The following STK25 variants were observed in gnomAD, a reference collection of about 807,000 sequenced individuals.
STK25 encodes the protein serine/threonine-protein kinase 25.
STK25 carries 29 observed loss-of-function variants against 53.8 expected under a neutral mutation model. The observed-to-expected ratio is 0.54, with a 90% CI of 0.40 to 0.74. The LOEUF (loss-of-function observed/expected upper bound fraction) is 0.74. Among genes scored for constraint, STK25 ranks in the 30% least tolerant of loss-of-function variants. The pLI is 0.00. For missense variants in STK25, 420 were observed against 568.0 expected (o/e 0.74, Z 2.65); for synonymous variants, 247 against 238.3 (o/e 1.04, Z -0.33).
upstream of STK25, chr2:241,509,416 C>A (rs2066035532): frequency 6.6e-6 from 1 of 152,318 alleles, no homozygotes; most frequent in South Asian, 2.1e-4. Context: ...GGTCATAGTG[C>A]CCCCTGTGTG....
Position 241,500,236 on chromosome 2 carries a change from G to A in STK25, c.364C>T (p.Arg122Trp), listed in dbSNP as rs772153850. 4.3e-6 allele frequency: 7 copies of A among 1,614,046 alleles called. No homozygotes were observed. The highest frequency in any genetic ancestry group is 5.1e-6 in the Non-Finnish European group (6 of 1,180,006). ...TAATCCAGGCCCTTCAGAATCTCCC[G>A]CAGGATCGTGGCAATGTATGTCTCC... Reference protein sequence around the residue: ...LEETYIATILREILKGLDYLH... With the variant: ...LEETYIATILWEILKGLDYLH... Residue 122 changes from arginine to tryptophan, a missense_variant, in exon 5 of 12, where the codon CGG becomes TGG. Transcript: ENST00000316586.
chr2:241,496,520 G>A lies in STK25; in HGVS notation c.1119C>T (p.His373=). The A allele has an allele frequency of 3.1e-6, 5 of 1,613,584 alleles. No individual in the cohort carries two copies. The highest frequency in any genetic ancestry group is 4.2e-6 in the Non-Finnish European group (5 of 1,179,906). The change falls in exon 11 of 12, where the codon CAC becomes CAT. Residue 373 remains histidine, a synonymous_variant. Coordinates refer to ENST00000316586, the MANE Select transcript of STK25 (RefSeq NM_001271977.2). This position sits in a 1 kb window ranked among gnomAD's most constrained non-coding sequence, Gnocchi z 5.8. The part of the protein sequence containing the change: ...RPVFGELKEK[H]KQSGGSVGAL... ...CACCCACGCTCCCGCCGCTCTGCTT[G>A]TGCTTCTCTTTGAGCTGTGAAAAGA...
intron 1 of STK25, 87 bp from the exon 2 acceptor site, chr2:241,508,222 GC>G: frequency 7.7e-7 from 1 of 1,297,456 alleles, no homozygotes; most frequent in South Asian, 2.0e-5. Flanking sequence ...GTGGGGGGGG[GC>G]CCAGGAGACC....
In STK25 at chr2:241,494,290, C is replaced by A. The variant is rs1203208191; in HGVS notation, c.*1372G>T. On this transcript the variant is annotated 3_prime_UTR_variant, in exon 12 of 12. Transcript: ENST00000316586. This position sits in a 1 kb window ranked among gnomAD's most constrained non-coding sequence, Gnocchi z 4.9. ...CTCATGTAACATCTGGGAGGGGCTT[C>A]ATCCCCCCACCCAGGACCTAGTGCA... 7.1e-6 allele frequency: 3 copies of A among 422,116 alleles called. No individual in the cohort carries two copies. Among genetic ancestry groups the A allele is most frequent in the Non-Finnish European group, 1.3e-5 (3 of 233,292 alleles). The allele number at this position is 422,116 out of a possible 1,614,324, so 26.1% of individuals were successfully genotyped here.
intron 3 of STK25, 93 bp from the exon 4 acceptor site, chr2:241,500,889 G>A (rs2065469634): frequency 4.4e-5 from 57 of 1,282,290 alleles, no homozygotes; most frequent in Non-Finnish European, 6.0e-5. Flanking sequence ...CCAGGGCCCA[G>A]GCCCCACCGG....
Position 241,500,842 on chromosome 2 carries a change from G to A in STK25, c.262-46C>T, listed in dbSNP as rs2065465127. On this transcript the variant is annotated intron_variant, in intron 3 of 11. Coordinates refer to ENST00000316586, the MANE Select transcript of STK25 (RefSeq NM_001271977.2). ...ATCAGCATTTGGCAGCAAGAGGAAG[G>A]GCATGCTCCAGGGTGGGAGTCACAG... The A allele has an allele frequency of 1.5e-5, 24 of 1,601,412 alleles. No individual in the cohort carries two copies. In the East Asian group the frequency reaches 5.4e-4, roughly 36 times the overall value.
In STK25 at chr2:241,493,691, T is replaced by C. The variant is rs1449312511; in HGVS notation, c.*1971A>G. Reference sequence around the variant, plus strand: ...CTCACTATAACCTGCACCTCCAGGGTTCAAGCGATTCTTCTGCCTCAGCCT... The same window carrying C: ...CTCACTATAACCTGCACCTCCAGGGCTCAAGCGATTCTTCTGCCTCAGCCT... On this transcript the variant is annotated 3_prime_UTR_variant, in exon 12 of 12. Transcript: ENST00000316586. The C allele has an allele frequency of 3.7e-6, 2 of 535,826 alleles. No individual in the cohort carries two copies. The highest frequency in any genetic ancestry group is 6.6e-6 in the Non-Finnish European group (2 of 301,442). 33.2% of individuals were successfully genotyped at this position (535,826 alleles called of 1,614,324 possible). A position where few individuals can be genotyped will look rare whatever the true frequency, so the allele number is the denominator to read the frequency against.
intron 10 of STK25, 98 bp downstream of exon 10, chr2:241,497,518 A>C: frequency 1.8e-5 from 23 of 1,286,696 alleles, no homozygotes; most frequent in Non-Finnish European, 2.2e-5. Context: ...TAGAAGCTGA[A>C]ACCACCCCAC....
chr2:241,499,345 G>A lies in STK25; in HGVS notation c.497C>T (p.Thr166Ile). ...LADFGVAGQLTDTQIKRNTFV... is the reference protein window; with the variant it reads ...LADFGVAGQLIDTQIKRNTFV... ...TGTGTTCCTCTTAATCTGCGTGTCT[G>A]TGAGCTGCCCTGCTACCCCAAAGTC... The change falls in exon 6 of 12, where the codon ACA becomes ATA. Residue 166 changes from threonine (T) to isoleucine (I), a missense_variant. By Grantham distance (89) the Thr-to-Ile change is moderately conservative. Coordinates refer to ENST00000316586, the MANE Select transcript of STK25 (RefSeq NM_001271977.2). 6.2e-7 allele frequency: 1 copy of A among 1,614,016 alleles called. No individual in the cohort carries two copies. The highest frequency in any genetic ancestry group is 8.5e-7 in the Non-Finnish European group (1 of 1,179,978).
rs2065498609 is a variant in STK25, at chr2:241,501,333, C to G, written c.261+145G>C. 3 of 805,578 alleles carry G rather than the reference C, an allele frequency of 3.7e-6. No homozygotes were observed. Among genetic ancestry groups the G allele is most frequent in the Non-Finnish European group, 6.2e-6 (3 of 484,276 alleles). The allele number at this position is 805,578 out of a possible 1,614,324, so 49.9% of individuals were successfully genotyped here. On this transcript the variant is annotated intron_variant, in intron 3 of 11. Coordinates refer to ENST00000316586, the MANE Select transcript of STK25 (RefSeq NM_001271977.2). This position sits in a 1 kb window ranked among gnomAD's most constrained non-coding sequence, Gnocchi z 5.3. ...ACCCTCGTGGACGAGGGCTCACACC[C>G]TGCCTGCCCAGGGCAGTTTCCCGGA... is the stretch of plus-strand genomic sequence containing the variant.
chr2:241,497,554 G>C, intron 10 of STK25, 62 bp downstream of exon 10: 3 of 1,532,064 alleles, frequency 2.0e-6, no homozygotes, highest in Non-Finnish European at 2.7e-6. Context: ...ACATCTCCGT[G>C]CAACAGTGTC....
chr2:241,499,019 C>T lies in STK25; in HGVS notation c.741G>A (p.Val247=), dbSNP rs2065351373. 1 of 1,613,856 alleles carries T rather than the reference C, an allele frequency of 6.2e-7. No individual in the cohort carries two copies. The highest frequency in any genetic ancestry group is 1.7e-5 in the Admixed American group (1 of 60,006). ...GGGGGTCTTTGTTGAGGCAGGCCTC[C>T]ACGAACTCCTTGAAGGGCTTGCTGT... ...GQHSKPFKEF[V]EACLNKDPRF... Residue 247 remains valine (V), a synonymous_variant, in exon 7 of 12, where the codon GTG becomes GTA. Coordinates refer to ENST00000316586, the MANE Select transcript of STK25 (RefSeq NM_001271977.2).
chr2:241,500,240 G>T lies in STK25; in HGVS notation c.360C>A (p.Ile120=), dbSNP rs1559835020. The part of the protein sequence containing the change: ...GPLEETYIAT[I]LREILKGLDY... ...CCAGGCCCTTCAGAATCTCCCGCAG[G>T]ATCGTGGCAATGTATGTCTCCTCCA... is the stretch of plus-strand genomic sequence containing the variant. The change falls in exon 5 of 12, where the codon ATC becomes ATA. Residue 120 remains isoleucine (I), a synonymous_variant. Coordinates refer to ENST00000316586, the MANE Select transcript of STK25 (RefSeq NM_001271977.2). 3.1e-6 allele frequency: 5 copies of T among 1,614,106 alleles called. No homozygotes were observed. Among genetic ancestry groups the T allele is most frequent in the Non-Finnish European group, 3.4e-6 (4 of 1,180,018 alleles).
chr2:241,495,594 C>T lies in STK25; in HGVS notation c.*68G>A. ...TAGCACAGGGCACCTTCCAAGTCAG[C>T]ACAGTTCTTATGGAGCTCAGAACAA... is the stretch of plus-strand genomic sequence containing the variant. On this transcript the variant is annotated 3_prime_UTR_variant, in exon 12 of 12. Coordinates refer to ENST00000316586, the MANE Select transcript of STK25 (RefSeq NM_001271977.2). 6.4e-7 allele frequency: 1 copy of T among 1,573,292 alleles called. No individual in the cohort carries two copies. The highest frequency in any genetic ancestry group is 8.7e-7 in the Non-Finnish European group (1 of 1,142,958).
At chr2:241,508,222 G>C in intron 1 of STK25, 87 bp from the exon 2 acceptor site, 1 of 1,297,458 alleles carries the variant, frequency 7.7e-7, no homozygotes, top group African/African-American at 1.7e-5. Context: ...GTGGGGGGGG[G>C]CCCAGGAGAC....
In STK25 at chr2:241,496,430, C is replaced by G; in HGVS notation, c.1209G>C (p.Lys403Asn). The G allele has an allele frequency of 6.2e-7, 1 of 1,613,758 alleles. No homozygotes were observed. The highest frequency in any genetic ancestry group is 8.5e-7 in the Non-Finnish European group (1 of 1,179,966). The change falls in exon 11 of 12, where the codon AAG becomes AAC. Residue 403 changes from lysine (K) to asparagine (N), a missense_variant. By Grantham distance (94) the Lys-to-Asn change is moderately conservative (BLOSUM62 0). Transcript: ENST00000316586. This position sits in a 1 kb window ranked among gnomAD's most constrained non-coding sequence, Gnocchi z 5.8. ...AEESCPGISD[K>N]LMVHLVERVQ... ...CTCGCTCCACCAGGTGCACCATCAGCTTGTCTGAGATGCCGGGGCAGGACT... is the reference window on the plus strand; with the variant it reads ...CTCGCTCCACCAGGTGCACCATCAGGTTGTCTGAGATGCCGGGGCAGGACT...
intron 2 of STK25, among the ~76,000 whole-genome samples, chr2:241,505,923 C>A (rs1010325997): frequency 6.6e-6 from 1 of 152,192 alleles, no homozygotes; most frequent in African/African-American, 2.4e-5. Flanking sequence ...CTGACTCGAG[C>A]GGTGGACACC....
intron 2 of STK25, among the ~76,000 whole-genome samples, chr2:241,507,530 G>T (rs1442538426): frequency 6.6e-6 from 1 of 152,228 alleles, no homozygotes; most frequent in African/African-American, 2.4e-5. Flanking sequence ...CGGCCACTCA[G>T]ATCTGCTTCT....
At position 241,508,572 on chromosome 2, in the gene STK25, G is replaced by T. The variant is rs1038318935; in HGVS notation, c.-230C>A. The T allele has an allele frequency of 1.0e-6, 1 of 991,456 alleles. No homozygotes were observed. The highest frequency in any genetic ancestry group is 1.2e-6 in the Non-Finnish European group (1 of 833,496). The allele number at this position is 991,456 out of a possible 1,614,324, so 61.4% of individuals were successfully genotyped here. On this transcript the variant is annotated 5_prime_UTR_variant, in exon 1 of 12. Transcript: ENST00000316586. ...GCGAAGCAACGGTGGTGGCGGCAGCGACCGGAGAAAGCCCGGAGGCGACGG... is the reference window on the plus strand; with the variant it reads ...GCGAAGCAACGGTGGTGGCGGCAGCTACCGGAGAAAGCCCGGAGGCGACGG...
Sources: allele counts gnomAD v4.1 joint callset (sites outside exome capture counted in the v4.1 genomes callset), GRCh38; gene constraint gnomAD v4.1.1; non-coding constraint Gnocchi (gnomAD v3.1); transcripts MANE v1.5; gene names NCBI Gene and HGNC (gene_info 2026-07-23, HGNC 2026-07-21).